The following DOCK3 variants were observed in gnomAD, a reference collection of about 807,000 sequenced individuals.
The protein encoded by DOCK3 is dedicator of cytokinesis 3, also known as dedicator of cytokinesis protein 3.
DOCK3 carries 60 observed loss-of-function variants against 265.6 expected under a neutral mutation model. That is an observed-to-expected ratio of 0.23 (90% CI 0.18 to 0.28). DOCK3 has a LOEUF of 0.28. Ranked by LOEUF, DOCK3 falls within the 10% of genes least tolerant of loss-of-function variation. The pLI is 1.00. For missense variants in DOCK3, 1,981 were observed against 2,594.3 expected (o/e 0.76, Z 5.14); for synonymous variants, 881 against 938.0 (o/e 0.94, Z 1.11).
intron 13 of DOCK3, among the ~76,000 whole-genome samples, chr3:51,213,069 C>G (rs1471442642): frequency 6.6e-6 from 1 of 151,986 alleles, no homozygotes; most frequent in East Asian, 1.9e-4. Flanking sequence ...CTTCTCCATT[C>G]CCTCCTCCCT....
intron 12 of DOCK3, among the ~76,000 whole-genome samples, chr3:51,161,047 G>T: frequency 6.9e-6 from 1 of 145,504 alleles, no homozygotes. Flanking sequence ...CTGCACTCTA[G>T]CCTGGGCAAC....
At chr3:50,797,771 TTAA>T (rs2042868439) in intron 2 of DOCK3, among the ~76,000 whole-genome samples, 1 of 152,230 alleles carries the variant, frequency 6.6e-6, no homozygotes, top group Non-Finnish European at 1.5e-5. Context: ...TCTGTGATGA[TTAA>T]TGATGTTGAG....
intron 27 of DOCK3, among the ~76,000 whole-genome samples, chr3:51,295,780 G>A (rs1414657534): frequency 6.6e-6 from 1 of 152,018 alleles, no homozygotes; most frequent in South Asian, 2.1e-4. Flanking sequence ...ATAAGGCGTT[G>A]GGGGGTGGGG....
intron 4 of DOCK3, among the ~76,000 whole-genome samples, chr3:50,929,634 T>TTTGTTG (rs780143674): frequency 6.6e-6 from 1 of 152,188 alleles, no homozygotes; most frequent in Admixed American, 6.5e-5. Flanking sequence ...CTGCTGTGTT[T>TTTGTTG]TTGTTGTTGT....
chr3:51,181,003 CTG>C (rs1233663444), intron 12 of DOCK3, among the ~76,000 whole-genome samples: 1 of 152,036 alleles, frequency 6.6e-6, no homozygotes, highest in African/African-American at 2.4e-5. Context: ...TTACAGAAAC[CTG>C]GAAGGAGGAG....
chr3:50,735,278 G>T (rs772349499), intron 1 of DOCK3, among the ~76,000 whole-genome samples: 9 of 152,122 alleles, frequency 5.9e-5, no homozygotes, highest in Non-Finnish European at 1.3e-4. Flanking sequence ...CCTCACTGAA[G>T]ATCTCTTTAT....
intron 6 of DOCK3, among the ~76,000 whole-genome samples, chr3:51,069,578 G>A (rs1290070015): frequency 7.4e-6 from 1 of 135,428 alleles, no homozygotes; most frequent in South Asian, 2.1e-4. Flanking sequence ...GTGTGTATAT[G>A]TGTGTGTGTG....
intron 3 of DOCK3, among the ~76,000 whole-genome samples, chr3:50,858,422 T>TATAATAATAATA (rs149503894): frequency 0.016 from 1,983 of 124,068 alleles, 49 homozygotes; most frequent in African/African-American, 0.047. Flanking sequence ...TAACTTAAAA[T>TATAATAATAATA]ATAATAATAA....
intron 9 of DOCK3, among the ~76,000 whole-genome samples, chr3:51,129,191 C>T (rs745653872): frequency 1.3e-5 from 2 of 152,232 alleles, no homozygotes; most frequent in Non-Finnish European, 2.9e-5. Context: ...AGTGCACAAC[C>T]AGGTGCACTA....
chr3:51,211,837 T>G (rs1056188837), intron 13 of DOCK3, among the ~76,000 whole-genome samples: 2 of 152,246 alleles, frequency 1.3e-5, no homozygotes, highest in African/African-American at 4.8e-5. Context: ...GCATGTGTCT[T>G]TATAGAAGCA....
chr3:51,344,526 A>G (rs2085438242), intron 38 of DOCK3, among the ~76,000 whole-genome samples: 1 of 152,216 alleles, frequency 6.6e-6, no homozygotes, highest in Non-Finnish European at 1.5e-5. Context: ...TGGCTGAGTC[A>G]TGAGAATCAC....
chr3:50,952,932 T>C (rs1482370175), intron 5 of DOCK3, among the ~76,000 whole-genome samples: 1 of 152,156 alleles, frequency 6.6e-6, no homozygotes, highest in East Asian at 1.9e-4. Context: ...ATGTGGCATG[T>C]ATGAAGTACT....
chr3:51,211,358 CT>C (rs931534592), intron 13 of DOCK3, among the ~76,000 whole-genome samples: 1 of 151,546 alleles, frequency 6.6e-6, no homozygotes, highest in African/African-American at 2.4e-5. Context: ...TATTTTCTTT[CT>C]TTTTTTTAAT....
intron 1 of DOCK3, among the ~76,000 whole-genome samples, chr3:50,684,485 C>G (rs1029728327): frequency 1.3e-5 from 2 of 152,122 alleles, no homozygotes; most frequent in Non-Finnish European, 2.9e-5. Flanking sequence ...TTCCCTTGGC[C>G]TTTCTCTTTC....
At chr3:51,264,560 G>T (rs964917830) in intron 23 of DOCK3, among the ~76,000 whole-genome samples, 2 of 152,032 alleles carry the variant, frequency 1.3e-5, no homozygotes, top group Admixed American at 6.6e-5. Context: ...GGGCTTGGTG[G>T]CTCACACCTG....
intron 12 of DOCK3, among the ~76,000 whole-genome samples, chr3:51,164,618 C>T (rs1302368634): frequency 4.7e-5 from 4 of 85,930 alleles, no homozygotes; most frequent in South Asian, 5.1e-4. Flanking sequence ...AGCGAGACTC[C>T]GTCTCAAAAA....
At chr3:51,194,704 C>G (rs992807863) in intron 12 of DOCK3, among the ~76,000 whole-genome samples, 1 of 151,576 alleles carries the variant, frequency 6.6e-6, no homozygotes, top group African/African-American at 2.4e-5. Flanking sequence ...TCTGTTTTCT[C>G]TAGTATAAGT....
At chr3:50,709,435 G>A (rs1370319744) in intron 1 of DOCK3, among the ~76,000 whole-genome samples, 2 of 152,084 alleles carry the variant, frequency 1.3e-5, no homozygotes, top group African/African-American at 4.8e-5. Context: ...GTTAAATAGA[G>A]CTGACAGTGG....
At chr3:50,879,571 A>G (rs1275212475) in intron 3 of DOCK3, among the ~76,000 whole-genome samples, 1 of 152,224 alleles carries the variant, frequency 6.6e-6, no homozygotes, top group Non-Finnish European at 1.5e-5. Context: ...ATTCAACAAG[A>G]AGAGCTGACC....
Sources: gnomAD v4.1 joint callset for allele counts (sites outside exome capture counted in the v4.1 genomes callset) on GRCh38, gnomAD v4.1.1 for gene constraint, MANE v1.5 for transcripts, NCBI Gene and HGNC (gene_info 2026-07-23, HGNC 2026-07-21) for gene names.